Variants in NTRK2 observed in about 807,000 individuals in gnomAD.
NTRK2 encodes BDNF/NT-3 growth factors receptor.
Under a neutral mutation model 94.5 loss-of-function variants are expected in NTRK2, and 13 were observed. That is an observed-to-expected ratio of 0.14 (90% confidence interval 0.09 to 0.22). NTRK2 has a LOEUF of 0.22. NTRK2 is among the 10% of genes least tolerant of loss of function. NTRK2 has a pLI of 1.00. For synonymous variants in NTRK2, 372 were observed against 407.4 expected, an observed-to-expected ratio of 0.91 and a Z score of 1.05; for missense variants, 639 against 1,071.2, an observed-to-expected ratio of 0.60 and a Z score of 5.63.
intron 13 of NTRK2, among the ~76,000 whole-genome samples, chr9:84,864,435 T>A (rs368817737): frequency 6.6e-6 from 1 of 152,106 alleles, no homozygotes; most frequent in South Asian, 2.1e-4. Flanking sequence ...CACCAAAATC[T>A]CAGAAACCAC....
At chr9:84,847,757 C>T (rs2074541543) in intron 12 of NTRK2, among the ~76,000 whole-genome samples, 1 of 152,100 alleles carries the variant, frequency 6.6e-6, no homozygotes. Flanking sequence ...CCTTGAATCA[C>T]ATAGGTTGCC....
chr9:84,836,038 GA>G (rs140347293), intron 12 of NTRK2, among the ~76,000 whole-genome samples: 4,338 of 152,256 alleles, frequency 0.028, 113 homozygotes, highest in East Asian at 0.098. Flanking sequence ...GGCCGTCTTA[GA>G]ACAGAAATCT....
At chr9:84,962,489 T>C (rs1020602719) in intron 17 of NTRK2, among the ~76,000 whole-genome samples, 4 of 113,914 alleles carry the variant, frequency 3.5e-5, no homozygotes, top group African/African-American at 7.5e-5. Context: ...TTGTGTCCCC[T>C]TTTTTTTTGG....
intron 12 of NTRK2, among the ~76,000 whole-genome samples, chr9:84,797,647 A>ATATACTATATATTATATATATTATAT (rs753080405): frequency 1.3e-4 from 7 of 53,638 alleles, no homozygotes; most frequent in African/African-American, 5.3e-4. Context: ...TATATACTAT[A>ATATACTATATATTATATATATTATAT]ATAATATATA....
At position 84,761,656 on chromosome 9, in the gene NTRK2, G is replaced by T. The variant is rs114226303; in HGVS notation, c.1396+9571G>T. 9.0e-3 allele frequency among the ~76,000 whole-genome samples: 1,375 copies of T among 152,196 alleles called. 22 individuals carry two copies. The highest frequency in any genetic ancestry group is 0.031 in the African/African-American group (1,281 of 41,536). ...TAATGATGTAATCTTTTTCTCTATT[G>T]TGTAGCCACAGTCTCTTTACTGTTG... On this transcript the variant is annotated intron_variant, in intron 12 of 18. Coordinates refer to ENST00000277120, the MANE Select transcript of NTRK2 (RefSeq NM_006180.6).
intron 4 of NTRK2, among the ~76,000 whole-genome samples, chr9:84,702,780 G>A (rs1401990667): frequency 6.6e-6 from 1 of 152,202 alleles, no homozygotes; most frequent in African/African-American, 2.4e-5. Flanking sequence ...GGAATCGAAA[G>A]AAGCTGACTT....
intron 11 of NTRK2, among the ~76,000 whole-genome samples, chr9:84,747,952 G>T (rs557086073): frequency 6.6e-6 from 1 of 152,166 alleles, no homozygotes; most frequent in African/African-American, 2.4e-5. Flanking sequence ...AATTTGTGTG[G>T]TTCAGATATT....
At chr9:84,742,216 T>C (rs573901799) in intron 10 of NTRK2, among the ~76,000 whole-genome samples, 1 of 152,326 alleles carries the variant, frequency 6.6e-6, no homozygotes, top group East Asian at 1.9e-4. Flanking sequence ...ACTAATTACC[T>C]GTTTAAAAGC....
chr9:84,802,483 C>T (rs575280370), intron 12 of NTRK2, among the ~76,000 whole-genome samples: 64 of 152,296 alleles, frequency 4.2e-4, no homozygotes, highest in Non-Finnish European at 8.1e-4. Flanking sequence ...GGCACACGCC[C>T]CGCTGCTGTA....
intron 14 of NTRK2, among the ~76,000 whole-genome samples, chr9:84,926,967 T>A (rs950570321): frequency 2.6e-5 from 4 of 152,244 alleles, no homozygotes; most frequent in Non-Finnish European, 5.9e-5. Flanking sequence ...AGTACTATTT[T>A]TAGGAAACTC....
At chr9:84,778,361 C>G (rs1182139078) in intron 12 of NTRK2, among the ~76,000 whole-genome samples, 1 of 152,212 alleles carries the variant, frequency 6.6e-6, no homozygotes, top group Non-Finnish European at 1.5e-5. Flanking sequence ...GCTTATTTCT[C>G]TCCTATGGAA....
chr9:84,988,214 C>T (rs1291323325), intron 17 of NTRK2, among the ~76,000 whole-genome samples: 5 of 152,120 alleles, frequency 3.3e-5, no homozygotes, highest in Non-Finnish European at 5.9e-5. Flanking sequence ...AATGCAGCCA[C>T]GCCAACCAGA....
At chr9:84,735,563 G>C (rs1028007178) in intron 9 of NTRK2, among the ~76,000 whole-genome samples, 4 of 152,208 alleles carry the variant, frequency 2.6e-5, no homozygotes, top group Non-Finnish European at 5.9e-5. Context: ...ATATAGAATA[G>C]ATGGTGCACA....
intron 12 of NTRK2, among the ~76,000 whole-genome samples, chr9:84,760,173 T>C (rs535067816): frequency 6.6e-6 from 1 of 152,344 alleles, no homozygotes; most frequent in East Asian, 1.9e-4. Flanking sequence ...ATCTCCCGCC[T>C]GCTGGTCATC....
chr9:84,778,868 T>C (rs911430186), intron 12 of NTRK2, among the ~76,000 whole-genome samples: 4 of 152,202 alleles, frequency 2.6e-5, no homozygotes, highest in Admixed American at 6.5e-5. Flanking sequence ...TGATTTCTTC[T>C]CTGCTGTGTC....
chr9:84,885,606 T>C lies in NTRK2; in HGVS notation c.1633+18175T>C, dbSNP rs543147358. On this transcript the variant is annotated intron_variant, in intron 14 of 18. Transcript: ENST00000277120. The stretch of plus-strand genomic sequence containing the variant: ...AATAAACAGAGTTAGTTTGGGCAAC[T>C]TTGAAAGAAAAGAAGGTAAGGAAGG... Among the ~76,000 whole-genome samples, 5 of 152,262 alleles carry C rather than the reference T, an allele frequency of 3.3e-5. No individual in the cohort carries two copies. The South Asian group carries it at 1.0e-3, about 32-fold the overall frequency.
chr9:84,695,890 A>G (rs1195497898), intron 2 of NTRK2, among the ~76,000 whole-genome samples: 2 of 152,142 alleles, frequency 1.3e-5, no homozygotes, highest in Non-Finnish European at 2.9e-5. Context: ...CTCTCCTTAG[A>G]GCATCATCTC....
At chr9:84,836,961 A>G (rs1198583472) in intron 12 of NTRK2, among the ~76,000 whole-genome samples, 1 of 147,306 alleles carries the variant, frequency 6.8e-6, no homozygotes, top group East Asian at 2.0e-4. Flanking sequence ...ATAATATAAT[A>G]TAATATAATA....
chr9:84,677,168 T>C (rs553237775), intron 2 of NTRK2, among the ~76,000 whole-genome samples: 162 of 152,018 alleles, frequency 1.1e-3, no homozygotes, highest in African/African-American at 3.8e-3. Context: ...GCCCCTGGAG[T>C]CTTTGCCACA....
Sources: gnomAD v4.1 joint callset for allele counts (sites outside exome capture counted in the v4.1 genomes callset) on GRCh38, gnomAD v4.1.1 for gene constraint, MANE v1.5 for transcripts, NCBI Gene and HGNC (gene_info 2026-07-23, HGNC 2026-07-21) for gene names.